Variants in TTLL11 observed in about 807,000 individuals in gnomAD.
TTLL11 encodes the protein tubulin polyglutamylase TTLL11.
In TTLL11, 42 loss-of-function variants were observed where a neutral mutation model predicts 51.7. The ratio of observed to expected loss-of-function variants is 0.81; its 90% CI spans 0.64 to 1.05. TTLL11 has a LOEUF of 1.05. TTLL11 is among the 50% of genes least tolerant of loss of function. The pLI is 0.00. For missense variants in TTLL11, 799 were observed against 940.4 expected (o/e 0.85, Z 1.97); for synonymous variants, 381 against 383.5 (o/e 0.99, Z 0.08).
intron 3 of TTLL11, among the ~76,000 whole-genome samples, chr9:122,005,138 C>T (rs916525560): frequency 6.6e-6 from 1 of 152,144 alleles, no homozygotes; most frequent in African/African-American, 2.4e-5. Flanking sequence ...GACAAAGTAC[C>T]TTGAGAAATA....
chr9:122,089,779 GT>G (rs201679364), intron 1 of TTLL11, among the ~76,000 whole-genome samples: 1 of 152,008 alleles, frequency 6.6e-6, no homozygotes, highest in African/African-American at 2.4e-5. Flanking sequence ...CAAGTGAATT[GT>G]TTTTTTAATT....
chr9:122,082,263 G>C (rs1301725110), intron 1 of TTLL11, among the ~76,000 whole-genome samples: 1 of 152,160 alleles, frequency 6.6e-6, no homozygotes, highest in East Asian at 1.9e-4. Context: ...CAACACTTTG[G>C]GAGGCCAAGG....
intron 8 of TTLL11, among the ~76,000 whole-genome samples, chr9:121,839,464 T>C (rs141965840): frequency 3.3e-5 from 5 of 152,320 alleles, no homozygotes; most frequent in African/African-American, 9.6e-5. Flanking sequence ...CCTCAGTTTC[T>C]TTCTACCCTG....
chr9:122,068,568 C>T (rs1845652014), intron 1 of TTLL11, among the ~76,000 whole-genome samples: 1 of 152,034 alleles, frequency 6.6e-6, no homozygotes. Flanking sequence ...TTATTATACC[C>T]CATCATTCAG....
At chr9:122,057,474 C>G (rs1251495977) in intron 1 of TTLL11, among the ~76,000 whole-genome samples, 3 of 151,862 alleles carry the variant, frequency 2.0e-5, no homozygotes, top group Non-Finnish European at 4.4e-5. Flanking sequence ...TACAGGCACC[C>G]ACCACTACAC....
chr9:121,984,411 A>G (rs1341667991), intron 4 of TTLL11, among the ~76,000 whole-genome samples: 1 of 152,186 alleles, frequency 6.6e-6, no homozygotes, highest in African/African-American at 2.4e-5. Flanking sequence ...TATTCTTCCT[A>G]GTTTGCTCTT....
intron 1 of TTLL11, among the ~76,000 whole-genome samples, chr9:122,068,023 T>A (rs1845633953): frequency 6.6e-6 from 1 of 152,210 alleles, no homozygotes; most frequent in African/African-American, 2.4e-5. Flanking sequence ...TATACAAGGA[T>A]ATGGTCATTG....
intron 1 of TTLL11, among the ~76,000 whole-genome samples, chr9:122,092,041 AAGAG>A (rs1234627238): frequency 6.6e-6 from 1 of 152,202 alleles, no homozygotes; most frequent in African/African-American, 2.4e-5. Flanking sequence ...ATGGTGGAAG[AAGAG>A]AGAAAGGAGA....
At chr9:121,983,108 C>T (rs912655479) in intron 4 of TTLL11, among the ~76,000 whole-genome samples, 18 of 152,148 alleles carry the variant, frequency 1.2e-4, no homozygotes, top group East Asian at 3.9e-4. Context: ...TGGTTAGAAG[C>T]GGTTACATTT....
intron 6 of TTLL11, among the ~76,000 whole-genome samples, chr9:121,908,412 A>G (rs1180038053): frequency 6.6e-6 from 1 of 152,246 alleles, no homozygotes; most frequent in Admixed American, 6.5e-5. Flanking sequence ...AACATGGCTC[A>G]TTCAGGCTTT....
In TTLL11 at chr9:122,029,171, T is replaced by C. The variant is rs149425166; in HGVS notation, c.693+2552A>G. 6.3e-4 allele frequency among the ~76,000 whole-genome samples: 96 copies of C among 152,342 alleles called. 2 individuals are homozygous for C. In the East Asian group the frequency reaches 0.018, roughly 29 times the overall value. On this transcript the variant is annotated intron_variant, in intron 3 of 8. Transcript: ENST00000321582. The stretch of plus-strand genomic sequence containing the variant: ...AGTGCAGTATAATACAATTATGCAC[T>C]GTACAGAATACTTGATAATGATAAT...
intron 3 of TTLL11, among the ~76,000 whole-genome samples, chr9:122,018,841 G>C (rs1481952577): frequency 1.3e-5 from 2 of 152,160 alleles, no homozygotes; most frequent in East Asian, 3.8e-4. Context: ...GAAACTTCAG[G>C]GCTTAGAACG....
intron 1 of TTLL11, among the ~76,000 whole-genome samples, chr9:122,050,817 C>A (rs1393925834): frequency 1.3e-5 from 2 of 152,192 alleles, no homozygotes; most frequent in African/African-American, 2.4e-5. Context: ...CTGCCATCAG[C>A]CATGTGAGTG....
At chr9:121,889,778 T>A (rs1839151495) in intron 6 of TTLL11, among the ~76,000 whole-genome samples, 4 of 152,098 alleles carry the variant, frequency 2.6e-5, no homozygotes, top group African/African-American at 9.7e-5. Flanking sequence ...CGTTTGCCTG[T>A]AATTCCAGCT....
At chr9:121,940,730 C>G (rs1841423864) in intron 6 of TTLL11, among the ~76,000 whole-genome samples, 1 of 152,228 alleles carries the variant, frequency 6.6e-6, no homozygotes, top group Admixed American at 6.5e-5. Context: ...TTACTCTACT[C>G]CGAAACTCTG....
At chr9:122,008,671 T>C (rs1027379673) in intron 3 of TTLL11, among the ~76,000 whole-genome samples, 2 of 152,198 alleles carry the variant, frequency 1.3e-5, no homozygotes, top group African/African-American at 4.8e-5. Flanking sequence ...GAACTACCCA[T>C]CATGATCCAG....
chr9:121,909,103 T>A (rs917656478), intron 6 of TTLL11, among the ~76,000 whole-genome samples: 1 of 152,238 alleles, frequency 6.6e-6, no homozygotes, highest in African/African-American at 2.4e-5. Context: ...TGTTCATTCA[T>A]TATGCCATCC....
chr9:121,825,835 G>A (rs2119108172), intron 8 of TTLL11, among the ~76,000 whole-genome samples: 1 of 151,018 alleles, frequency 6.6e-6, no homozygotes, highest in Non-Finnish European at 1.5e-5. Flanking sequence ...CATACAATGA[G>A]GGCCAATTTG....
chr9:121,817,033 G>A lies in TTLL11; in HGVS notation c.*5554C>T, dbSNP rs1233576356. 2 of 152,200 alleles carry A rather than the reference G, an allele frequency of 1.3e-5. No homozygotes were observed. The highest frequency in any genetic ancestry group is 2.9e-5 in the Non-Finnish European group (2 of 68,050). The allele number at this position is 152,200 out of a possible 1,614,324, so 9.4% of individuals were successfully genotyped here. On this transcript the variant is annotated 3_prime_UTR_variant, in exon 9 of 9. Coordinates refer to ENST00000321582, the MANE Select transcript of TTLL11 (RefSeq NM_001139442.2). ...GAGGAGGACAGCGCTCTCAGCCATGGGGAATGCCAGCTCCCTGCCGGGAGA... is the reference window on the plus strand; with the variant it reads ...GAGGAGGACAGCGCTCTCAGCCATGAGGAATGCCAGCTCCCTGCCGGGAGA...
Sources: allele counts gnomAD v4.1 joint callset (sites outside exome capture counted in the v4.1 genomes callset), GRCh38; gene constraint gnomAD v4.1.1; transcripts MANE v1.5; gene names NCBI Gene and HGNC (gene_info 2026-07-23, HGNC 2026-07-21).